TAF15: variants seen among roughly 807,000 people sequenced by gnomAD.
The protein encoded by TAF15 is TATA-binding protein-associated factor 2N.
A neutral mutation model predicts 102.5 loss-of-function variants in TAF15; 37 were observed. That is an observed-to-expected ratio of 0.36 (90% CI 0.28 to 0.47). TAF15 has a LOEUF of 0.47. Ranked by LOEUF, TAF15 falls within the 20% of genes least tolerant of loss-of-function variation. The probability of loss-of-function intolerance (pLI) is 0.99; values close to 1 mark genes in which losing one functional copy is unlikely to be tolerated. For synonymous variants in TAF15, 273 were observed against 259.2 expected, an observed-to-expected ratio of 1.05 and a Z score of -0.51; for missense variants, 652 against 760.7, an observed-to-expected ratio of 0.86 and a Z score of 1.68.
chr17:35,823,412 T>C (rs765217557), intron 6 of TAF15, among the ~76,000 whole-genome samples: 5 of 152,170 alleles, frequency 3.3e-5, no homozygotes, highest in Admixed American at 2.0e-4. Context: ...ACTTTTAAGA[T>C]TGGGGGGCCG....
chr17:35,840,206 A>G (rs1598548638), intron 11 of TAF15, among the ~76,000 whole-genome samples: 1 of 134,018 alleles, frequency 7.5e-6, no homozygotes, highest in East Asian at 2.3e-4. Flanking sequence ...TTTCAAGATT[A>G]TTGTACCTCC....
intron 7 of TAF15, among the ~76,000 whole-genome samples, chr17:35,833,269 A>G (rs2087429276): frequency 1.3e-5 from 2 of 152,302 alleles, no homozygotes; most frequent in South Asian, 4.1e-4. Context: ...TCTGATGTGA[A>G]GAGATGTAGT....
In TAF15 at chr17:35,844,264, T is replaced by C; in HGVS notation, c.1089-16T>C. On this transcript the variant is annotated splice_polypyrimidine_tract_variant and intron_variant, in intron 13 of 15. Coordinates refer to ENST00000605844, the MANE Select transcript of TAF15 (RefSeq NM_139215.3). ...TAGAAACTATATAGGAGCATTATAT[T>C]TTCCTCCTTTCTTAGGTCATGCGGA... 6.2e-7 allele frequency: 1 copy of C among 1,613,646 alleles called. No individual in the cohort carries two copies. Among genetic ancestry groups the C allele is most frequent in the South Asian group, 1.1e-5 (1 of 91,086 alleles).
intron 1 of TAF15, among the ~76,000 whole-genome samples, chr17:35,816,085 C>T (rs1237549140): frequency 1.3e-5 from 2 of 152,098 alleles, no homozygotes; most frequent in Non-Finnish European, 2.9e-5. Flanking sequence ...TCCTGGCCAC[C>T]CAAAATGCTG....
chr17:35,828,777 TAAAA>T (rs11348556), intron 7 of TAF15, among the ~76,000 whole-genome samples: 11 of 136,496 alleles, frequency 8.1e-5, no homozygotes, highest in East Asian at 2.1e-4. Flanking sequence ...TTCAAATGTT[TAAAA>T]AAAAAAAAAA....
At chr17:35,809,660 TGAG>T (rs1279727929) in intron 1 of TAF15, 84 bp downstream of exon 1, 2 of 1,591,756 alleles carry the variant, frequency 1.3e-6, no homozygotes, top group South Asian at 2.2e-5. Flanking sequence ...CGGAGGGCCC[TGAG>T]GAGAAGCCTC....
At chr17:35,816,251 C>T (rs952221462) in intron 1 of TAF15, among the ~76,000 whole-genome samples, 1 of 152,014 alleles carries the variant, frequency 6.6e-6, no homozygotes, top group African/African-American at 2.4e-5. Flanking sequence ...CATATTGTAG[C>T]GTTATATAAA....
At chr17:35,830,788 T>C (rs1338596770) in intron 7 of TAF15, among the ~76,000 whole-genome samples, 1 of 152,190 alleles carries the variant, frequency 6.6e-6, no homozygotes, top group Non-Finnish European at 1.5e-5. Flanking sequence ...GGGGATCTTA[T>C]TAAATGCAGG....
Position 35,837,979 on chromosome 17 carries a change from A to C in TAF15, c.784-445A>C, listed in dbSNP as rs1210411759. Among the ~76,000 whole-genome samples, 6 of 151,130 alleles carry C rather than the reference A, an allele frequency of 4.0e-5. No individual in the cohort carries two copies. In the East Asian group the frequency reaches 1.2e-3, roughly 30 times the overall value. On this transcript the variant is annotated intron_variant, in intron 10 of 15. Coordinates refer to ENST00000605844, the MANE Select transcript of TAF15 (RefSeq NM_139215.3). ...GAGGCAGGAGGATCGCTTGAGGCCAAGGGTTTGAGACCAGCCTGAGCCATA... is the reference window on the plus strand; with the variant it reads ...GAGGCAGGAGGATCGCTTGAGGCCACGGGTTTGAGACCAGCCTGAGCCATA...
At chr17:35,824,464 A>G (rs2087302305) in intron 7 of TAF15, among the ~76,000 whole-genome samples, 1 of 152,174 alleles carries the variant, frequency 6.6e-6, no homozygotes, top group South Asian at 2.1e-4. Flanking sequence ...GTTGTGATTA[A>G]ATCACTTGAC....
chr17:35,839,443 G>A (rs539716848), intron 11 of TAF15, among the ~76,000 whole-genome samples: 58 of 133,086 alleles, frequency 4.4e-4, no homozygotes, highest in African/African-American at 1.6e-3. Flanking sequence ...GTGCAGTGGC[G>A]CAATCTCGGC....
chr17:35,810,676 A>G (rs7210282), intron 1 of TAF15: 70 of 152,332 alleles, frequency 4.6e-4, no homozygotes, highest in African/African-American at 1.7e-3. Context: ...TATTTTGAGT[A>G]AGGCCAAACC....
At chr17:35,846,103 A>G (rs2087620568) in intron 15 of TAF15, among the ~76,000 whole-genome samples, 1 of 152,200 alleles carries the variant, frequency 6.6e-6, no homozygotes, top group African/African-American at 2.4e-5. Flanking sequence ...TTATTATACT[A>G]AGGACCTGTA....
intron 7 of TAF15, among the ~76,000 whole-genome samples, chr17:35,831,261 G>C (rs1032124107): frequency 2.0e-5 from 3 of 152,074 alleles, no homozygotes; most frequent in Non-Finnish European, 4.4e-5. Flanking sequence ...ACAAAAATTA[G>C]CCGGGCATGG....
chr17:35,844,189 G>T, intron 13 of TAF15, 31 bp downstream of exon 13: 3 of 1,613,496 alleles, frequency 1.9e-6, no homozygotes, highest in Non-Finnish European at 2.5e-6. Flanking sequence ...GGTGAGAGTA[G>T]GGGTTGGGAT....
chr17:35,816,312 AAG>A (rs2087194293), intron 1 of TAF15, among the ~76,000 whole-genome samples: 2 of 152,314 alleles, frequency 1.3e-5, no homozygotes, highest in South Asian at 2.1e-4. Context: ...AAATTTTAAA[AAG>A]AGAAAGTTAC....
rs559838950 is a variant in TAF15, at chr17:35,825,424, A to G, written c.605+1226A>G. Among the ~76,000 whole-genome samples the G allele has an allele frequency of 4.6e-5, 7 of 152,288 alleles. No individual in the cohort carries two copies. In the East Asian group the frequency reaches 1.3e-3, roughly 29 times the overall value. On this transcript the variant is annotated intron_variant, in intron 7 of 15. Coordinates refer to ENST00000605844, the MANE Select transcript of TAF15 (RefSeq NM_139215.3). Reference sequence around the variant, plus strand: ...TGACATGGTGCTTACTCTCTACCTAATAATAGCCTCCCTCCTGTTCCAAAC... The same window carrying G: ...TGACATGGTGCTTACTCTCTACCTAGTAATAGCCTCCCTCCTGTTCCAAAC...
chr17:35,831,294 C>T (rs1305597166), intron 7 of TAF15, among the ~76,000 whole-genome samples: 1 of 151,782 alleles, frequency 6.6e-6, no homozygotes, highest in African/African-American at 2.4e-5. Flanking sequence ...GTAGTCCCAG[C>T]TACTCGGGAG....
chr17:35,847,238 T>C lies in TAF15; in HGVS notation c.*293T>C, dbSNP rs747453507. 28 of 598,440 alleles carry C rather than the reference T, an allele frequency of 4.7e-5. No homozygotes were observed. Among genetic ancestry groups the C allele is most frequent in the Non-Finnish European group, 2.4e-5 (8 of 337,454 alleles). The allele number at this position is 598,440 out of a possible 1,614,324, so 37.1% of individuals were successfully genotyped here. On this transcript the variant is annotated 3_prime_UTR_variant, in exon 16 of 16. Transcript: ENST00000605844. Reference sequence around the variant, plus strand: ...AAAGGCTGCTTGTTTTTGTGGACTTTTGTACATACTAGTGCATTGTTCTGT... The same window carrying C: ...AAAGGCTGCTTGTTTTTGTGGACTTCTGTACATACTAGTGCATTGTTCTGT...
Sources: gnomAD v4.1 joint callset for allele counts (sites outside exome capture counted in the v4.1 genomes callset) on GRCh38, gnomAD v4.1.1 for gene constraint, MANE v1.5 for transcripts, NCBI Gene and HGNC (gene_info 2026-07-23, HGNC 2026-07-21) for gene names.